MAP3K9: variants seen among roughly 807,000 people sequenced by gnomAD.
MAP3K9 encodes the protein mixed lineage kinase 1 (tyr and ser/thr specificity).
In MAP3K9, 46 loss-of-function variants were observed where a neutral mutation model predicts 95.8. The ratio of observed to expected loss-of-function variants is 0.48; its 90% CI spans 0.38 to 0.61. The LOEUF (loss-of-function observed/expected upper bound fraction) is 0.61, where lower values mean the gene tolerates loss of function less well. Among genes scored for constraint, MAP3K9 ranks in the 20% least tolerant of loss-of-function variants. The pLI, the probability that MAP3K9 is intolerant of heterozygous loss-of-function variation, is 0.00. For synonymous variants in MAP3K9, 533 were observed against 593.8 expected (o/e 0.90, Z 1.49); for missense variants, 1,296 against 1,474.3 (o/e 0.88, Z 1.98).
chr14:70,791,586 T>C (rs1319860878), intron 2 of MAP3K9, among the ~76,000 whole-genome samples: 2 of 152,240 alleles, frequency 1.3e-5, no homozygotes, highest in African/African-American at 4.8e-5. Context: ...GGCCACACTG[T>C]ACGGGGCACT....
intron 1 of MAP3K9, among the ~76,000 whole-genome samples, chr14:70,801,652 A>T (rs2054931989): frequency 6.6e-6 from 1 of 152,222 alleles, no homozygotes; most frequent in Non-Finnish European, 1.5e-5. Context: ...AAACCATAGG[A>T]TGAGAAGAGC....
In MAP3K9 at chr14:70,809,008, G is replaced by A. The variant is rs1566774546; in HGVS notation, c.164C>T (p.Pro55Leu). The A allele has an allele frequency of 6.5e-7, 1 of 1,527,122 alleles. No homozygotes were observed. Among genetic ancestry groups the A allele is most frequent in the Non-Finnish European group, 8.7e-7 (1 of 1,143,680 alleles). 94.6% of individuals were successfully genotyped at this position (1,527,122 alleles called of 1,614,324 possible). Residue 55 changes from proline to leucine, a missense_variant, in exon 1 of 12, where the codon CCC (proline) becomes CTC (leucine). By Grantham distance (98) the Pro-to-Leu change is moderately conservative. Coordinates refer to ENST00000554752, the MANE Select transcript of MAP3K9 (RefSeq NM_001284230.2). ...PGELGCDAPL[P>L]YWTAVFEYEA... ...GTACTCGAACACGGCCGTCCAGTAG[G>A]GCAGCGGCGCGTCGCAGCCCAGCTC...
At position 70,742,570 on chromosome 14, in the gene MAP3K9, C is replaced by T; in HGVS notation, c.1348G>A (p.Glu450Lys). The T allele has an allele frequency of 6.2e-7, 1 of 1,614,078 alleles. No individual in the cohort carries two copies. Among genetic ancestry groups the T allele is most frequent in the Non-Finnish European group, 8.5e-7 (1 of 1,179,978 alleles). Residue 450 changes from glutamate to lysine, a missense_variant, in exon 6 of 12, where the codon GAG (glutamate) becomes AAG (lysine). Physicochemically the swap from Glu to Lys is moderately conservative, Grantham distance 56. Transcript: ENST00000554752. ...TGCTGCAGTGCAGCCCGCGTCAGCT[C>T]CTCCTCCCAGGTGCGAAGTTCCTGC... is the stretch of plus-strand genomic sequence containing the variant. ...KEKELRTWEE[E>K]LTRAALQQKN...
In MAP3K9 at chr14:70,798,695, G is replaced by T. The variant is rs190451707; in HGVS notation, c.820+1972C>A. The stretch of plus-strand genomic sequence containing the variant: ...GGGTTTCACCGTTTTAGCCGGGATG[G>T]TCTCGATCTCCTGACCTCGTGATCC... On this transcript the variant is annotated intron_variant, in intron 2 of 11. Coordinates refer to ENST00000554752, the MANE Select transcript of MAP3K9 (RefSeq NM_001284230.2). 1.5e-3 allele frequency among the ~76,000 whole-genome samples: 228 copies of T among 151,688 alleles called. 4 individuals carry two copies. The East Asian group carries it at 0.042, about 28-fold the overall frequency.
At chr14:70,774,988 A>C (rs1388240172) in intron 2 of MAP3K9, among the ~76,000 whole-genome samples, 30 of 23,448 alleles carry the variant, frequency 1.3e-3, no homozygotes, top group Middle Eastern at 0.022. Context: ...GTCCCCAAAA[A>C]AAAAAAAAAA....
chr14:70,804,978 G>C (rs192716311), intron 1 of MAP3K9, among the ~76,000 whole-genome samples: 1 of 152,284 alleles, frequency 6.6e-6, no homozygotes, highest in African/African-American at 2.4e-5. Context: ...GAAGGAACTA[G>C]ACCTTCAGCT....
intron 11 of MAP3K9, among the ~76,000 whole-genome samples, chr14:70,732,237 A>C (rs1270967702): frequency 6.6e-6 from 1 of 152,058 alleles, no homozygotes; most frequent in Admixed American, 6.5e-5. Flanking sequence ...TGCCCTGAAA[A>C]CACTACCCTA....
intron 3 of MAP3K9, among the ~76,000 whole-genome samples, chr14:70,751,288 C>A (rs1046992924): frequency 6.6e-6 from 1 of 152,174 alleles, no homozygotes; most frequent in Non-Finnish European, 1.5e-5. Flanking sequence ...TCAGTCCTTC[C>A]AGGAATAAGT....
intron 2 of MAP3K9, among the ~76,000 whole-genome samples, chr14:70,778,471 T>C (rs1219271092): frequency 6.6e-6 from 1 of 152,120 alleles, no homozygotes; most frequent in Non-Finnish European, 1.5e-5. Flanking sequence ...AGACGGGGTT[T>C]CGCCATGTTG....
intron 2 of MAP3K9, among the ~76,000 whole-genome samples, chr14:70,773,108 C>T (rs1341636309): frequency 1.3e-5 from 2 of 152,208 alleles, no homozygotes; most frequent in Non-Finnish European, 2.9e-5. Flanking sequence ...GTCAAAGATA[C>T]CTTTCAGTAA....
At chr14:70,752,125 A>C (rs1243030842) in intron 3 of MAP3K9, among the ~76,000 whole-genome samples, 1 of 152,212 alleles carries the variant, frequency 6.6e-6, no homozygotes, top group African/African-American at 2.4e-5. Context: ...AAAGCCTGGT[A>C]GCCAGTTGGT....
intron 2 of MAP3K9, among the ~76,000 whole-genome samples, chr14:70,770,579 C>T (rs2054517939): frequency 1.3e-5 from 2 of 152,168 alleles, no homozygotes; most frequent in Admixed American, 6.5e-5. Flanking sequence ...GTCTATCCAT[C>T]AGCAGGGCAA....
rs577683168 is a variant in MAP3K9 at position 70,750,339 on chromosome 14, C to G, written c.1002-258G>C. On this transcript the variant is annotated intron_variant, in intron 3 of 11. Transcript: ENST00000554752. ...TATGACCTTGGGCAAGGCACTACAC[C>G]TCTTTAAGCCTCTAATTCCTCATCT... 1.5e-4 allele frequency among the ~76,000 whole-genome samples: 23 copies of G among 152,342 alleles called. No individual in the cohort carries two copies. In the East Asian group the frequency reaches 4.4e-3, roughly 29 times the overall value.
chr14:70,808,903 C>A lies in MAP3K9; in HGVS notation c.269G>T (p.Gly90Val). The change falls in exon 1 of 12, where the codon GGC becomes GTC. Residue 90 changes from glycine to valine, a missense_variant. By Grantham distance (109) the Gly-to-Val change is moderately radical. Around this residue, in one of 5 missense-constraint regions of MAP3K9, gnomAD observed 338 missense variants for 363.4 expected, o/e 0.93. Transcript: ENST00000554752. ...CTGCCCGGTCCACCAGCCCTCGTCG[C>A]CGGACACCTGCGAGTCCTTGGACAG... The part of the protein sequence containing the change: ...EVLSKDSQVS[G>V]DEGWWTGQLN... The A allele has an allele frequency of 6.3e-7, 1 of 1,596,696 alleles. No individual in the cohort carries two copies.
At chr14:70,734,645 AG>A in intron 9 of MAP3K9, 147 bp from the exon 10 acceptor site, 1 of 603,764 alleles carries the variant, frequency 1.7e-6, no homozygotes, top group South Asian at 2.0e-5. Flanking sequence ...ACTCTTACCA[AG>A]CCCACCTGCT....
At chr14:70,784,022 G>T (rs562271372) in intron 2 of MAP3K9, among the ~76,000 whole-genome samples, 2 of 151,852 alleles carry the variant, frequency 1.3e-5, no homozygotes, top group African/African-American at 2.4e-5. Flanking sequence ...AGTGGCTCAC[G>T]CCTGTAATCC....
intron 2 of MAP3K9, among the ~76,000 whole-genome samples, chr14:70,796,320 T>C (rs1010458703): frequency 3.9e-5 from 6 of 152,184 alleles, no homozygotes; most frequent in Admixed American, 2.6e-4. Flanking sequence ...AAGTTAATGA[T>C]GTGATGTGGT....
intron 2 of MAP3K9, among the ~76,000 whole-genome samples, chr14:70,800,365 G>A (rs145779537): frequency 9.0e-4 from 137 of 152,104 alleles, no homozygotes; most frequent in African/African-American, 3.2e-3. Context: ...CAAGTTTTGT[G>A]CACAGCATAT....
rs754433823 is a variant in MAP3K9, at chr14:70,738,257, G to A, written c.1832C>T (p.Ser611Leu). Residue 611 changes from serine to leucine, a missense_variant, in exon 8 of 12, where the codon TCG becomes TTG. Around this residue, in one of 5 missense-constraint regions of MAP3K9, gnomAD observed 377 missense variants for 417.1 expected, o/e 0.90. Coordinates refer to ENST00000554752, the MANE Select transcript of MAP3K9 (RefSeq NM_001284230.2). The stretch of plus-strand genomic sequence containing the variant: ...ATCTGGCACTTACCCTTCATCTCCC[G>A]AGGCAAGCTCCTTCTGACCAAGCGT... ...PGTLGQKELA[S>L]GDEGSPQRRE... 9 of 1,608,994 alleles carry A rather than the reference G, an allele frequency of 5.6e-6. No individual in the cohort carries two copies. Among genetic ancestry groups the A allele is most frequent in the Middle Eastern group, 1.6e-4 (1 of 6,068 alleles).
Sources: gnomAD v4.1 joint callset for allele counts (sites outside exome capture counted in the v4.1 genomes callset) on GRCh38, gnomAD v4.1.1 for gene constraint, gnomAD v4.1.1 regional missense constraint, MANE v1.5 for transcripts, NCBI Gene and HGNC (gene_info 2026-07-23, HGNC 2026-07-21) for gene names.